The following NAALADL2 variants were observed in gnomAD, a reference collection of about 807,000 sequenced individuals.
NAALADL2 encodes N-acetylated alpha-linked acidic dipeptidase like 2, also known as inactive N-acetylated-alpha-linked acidic dipeptidase-like protein 2.
In NAALADL2, 76 loss-of-function variants were observed where a neutral mutation model predicts 87.2. The observed-to-expected ratio is 0.87, with a 90% CI of 0.72 to 1.05. NAALADL2 has a LOEUF of 1.05. NAALADL2 is among the 50% of genes least tolerant of loss of function. The pLI is 0.00. For missense variants in NAALADL2, 1,089 were observed against 945.8 expected (o/e 1.15, Z -1.99); for synonymous variants, 354 against 331.0 (o/e 1.07, Z -0.75).
intron 12 of NAALADL2, among the ~76,000 whole-genome samples, chr3:175,741,263 G>A (rs553771914): frequency 6.6e-6 from 1 of 152,254 alleles, no homozygotes; most frequent in East Asian, 1.9e-4. Flanking sequence ...GTTCAAAGAT[G>A]GCCATCTTTT....
intron 2 of NAALADL2, among the ~76,000 whole-genome samples, chr3:175,127,681 C>T (rs1727181702): frequency 7.6e-6 from 1 of 131,508 alleles, no homozygotes; most frequent in Admixed American, 7.7e-5. Context: ...TTAATAATTT[C>T]AGTTAACACT....
At chr3:174,883,315 A>T (rs957165519) in intron 1 of NAALADL2, among the ~76,000 whole-genome samples, 1 of 152,078 alleles carries the variant, frequency 6.6e-6, no homozygotes, top group African/African-American at 2.4e-5. Flanking sequence ...CTCAGTATTA[A>T]CCATCACAAG....
At chr3:174,950,810 G>T (rs1740228878) in intron 1 of NAALADL2, among the ~76,000 whole-genome samples, 1 of 151,960 alleles carries the variant, frequency 6.6e-6, no homozygotes, top group African/African-American at 2.4e-5. Flanking sequence ...TAGAAATATG[G>T]TCAAACTGAA....
intron 1 of NAALADL2, among the ~76,000 whole-genome samples, chr3:175,044,985 A>G (rs963232619): frequency 7.3e-5 from 11 of 151,334 alleles, no homozygotes; most frequent in African/African-American, 2.7e-4. Context: ...ACATAATAGG[A>G]TGATATTTCA....
chr3:175,576,220 A>G (rs1340749086), intron 10 of NAALADL2, 33 bp downstream of exon 10: 1 of 1,598,096 alleles, frequency 6.3e-7, no homozygotes, highest in Non-Finnish European at 8.5e-7. Flanking sequence ...AAACACACAC[A>G]CACAATATAG....
chr3:175,585,202 C>T (rs922502540), intron 10 of NAALADL2, among the ~76,000 whole-genome samples: 2 of 151,886 alleles, frequency 1.3e-5, no homozygotes, highest in African/African-American at 4.8e-5. Context: ...CACAGACACA[C>T]ACACTAACCG....
chr3:174,916,588 A>C (rs1734432109), intron 1 of NAALADL2, among the ~76,000 whole-genome samples: 1 of 151,742 alleles, frequency 6.6e-6, no homozygotes, highest in Non-Finnish European at 1.5e-5. Context: ...GCTAGAGGCC[A>C]TTATTCTAAG....
At chr3:175,324,758 T>C (rs1760472497) in intron 5 of NAALADL2, among the ~76,000 whole-genome samples, 1 of 152,148 alleles carries the variant, frequency 6.6e-6, no homozygotes, top group Non-Finnish European at 1.5e-5. Flanking sequence ...GTGAGTAAAG[T>C]AGTAAGAAAA....
At chr3:175,802,406 A>C (rs1754280775) in intron 13 of NAALADL2, among the ~76,000 whole-genome samples, 1 of 151,960 alleles carries the variant, frequency 6.6e-6, no homozygotes, top group South Asian at 2.1e-4. Flanking sequence ...CTAAAGGAGG[A>C]GTGCTACTGA....
intron 2 of NAALADL2, among the ~76,000 whole-genome samples, chr3:174,597,083 G>T (rs918319519): frequency 3.3e-5 from 5 of 152,104 alleles, no homozygotes; most frequent in African/African-American, 1.2e-4. Context: ...CTACATAGTG[G>T]TGTTTTATTT....
intron 2 of NAALADL2, among the ~76,000 whole-genome samples, chr3:175,220,931 C>T (rs1052814398): frequency 6.6e-6 from 1 of 152,116 alleles, no homozygotes; most frequent in Non-Finnish European, 1.5e-5. Context: ...CGTGGTGGCT[C>T]AAGCCTGTAA....
intron 3 of NAALADL2, among the ~76,000 whole-genome samples, chr3:174,769,702 A>G (rs1714285673): frequency 9.4e-6 from 1 of 105,964 alleles, no homozygotes; most frequent in African/African-American, 3.2e-5. Flanking sequence ...CTCCAGTAAC[A>G]TATTTTTTTT....
intron 3 of NAALADL2, among the ~76,000 whole-genome samples, chr3:174,834,325 C>T (rs1192744527): frequency 6.8e-6 from 1 of 147,112 alleles, no homozygotes; most frequent in East Asian, 2.0e-4. Context: ...ATATGGGCAC[C>T]TACATAAACC....
intron 1 of NAALADL2, among the ~76,000 whole-genome samples, chr3:174,492,546 T>C (rs1436359848): frequency 1.3e-5 from 2 of 152,168 alleles, no homozygotes; most frequent in Non-Finnish European, 2.9e-5. Context: ...TTTGTGTGTG[T>C]GTGTGTGCTG....
chr3:175,536,733 G>A (rs1023031024), intron 9 of NAALADL2, among the ~76,000 whole-genome samples: 3 of 152,154 alleles, frequency 2.0e-5, no homozygotes, highest in Non-Finnish European at 4.4e-5. Flanking sequence ...CAGGATGGTT[G>A]CGATCTCCTG....
At chr3:175,532,647 C>A (rs1213812878) in intron 9 of NAALADL2, among the ~76,000 whole-genome samples, 1 of 152,228 alleles carries the variant, frequency 6.6e-6, no homozygotes, top group Non-Finnish European at 1.5e-5. Context: ...ACAAGTCAGA[C>A]TATACCAATT....
At chr3:175,158,164 T>G (rs1299327970) in intron 2 of NAALADL2, among the ~76,000 whole-genome samples, 1 of 152,104 alleles carries the variant, frequency 6.6e-6, no homozygotes, top group Non-Finnish European at 1.5e-5. Context: ...GTGCCTATTA[T>G]GTGTAAGGTA....
chr3:174,705,620 T>C (rs1248512119), intron 2 of NAALADL2, among the ~76,000 whole-genome samples: 1 of 151,648 alleles, frequency 6.6e-6, no homozygotes, highest in African/African-American at 2.4e-5. Flanking sequence ...CTATCTCTAC[T>C]AAAAATACAA....
At chr3:175,070,244 G>T (rs1715373675) in intron 1 of NAALADL2, among the ~76,000 whole-genome samples, 1 of 151,592 alleles carries the variant, frequency 6.6e-6, no homozygotes. Context: ...TCAAAATATT[G>T]TCTTAGGCAT....
Sources: gnomAD v4.1 joint callset for allele counts (sites outside exome capture counted in the v4.1 genomes callset) on GRCh38, gnomAD v4.1.1 for gene constraint, MANE v1.5 for transcripts, NCBI Gene and HGNC (gene_info 2026-07-23, HGNC 2026-07-21) for gene names.